RNF13: variants seen among roughly 807,000 people sequenced by gnomAD.
The protein encoded by RNF13 is ring finger protein 13.
A neutral mutation model predicts 37.7 loss-of-function variants in RNF13; 19 were observed. The ratio of observed to expected loss-of-function variants is 0.50; its 90% CI spans 0.35 to 0.74. The LOEUF (loss-of-function observed/expected upper bound fraction) is 0.74. RNF13 is among the 30% of genes least tolerant of loss of function. The probability of loss-of-function intolerance (pLI) is 0.01; values close to 1 mark genes in which losing one functional copy is unlikely to be tolerated. For synonymous variants in RNF13, 144 were observed against 157.8 expected (o/e 0.91, Z 0.65); for missense variants, 375 against 453.0 (o/e 0.83, Z 1.56).
Position 149,872,086 on chromosome 3 carries a change from G to C in RNF13, c.253G>C (p.Val85Leu). 1.2e-6 allele frequency: 2 copies of C among 1,606,644 alleles called. No homozygotes were observed. Among genetic ancestry groups the C allele is most frequent in the Non-Finnish European group, 1.7e-6 (2 of 1,175,930 alleles). ...NACEPIVPPP[V>L]KDNSSGTFIV... ...CTGTGAACCCATAGTGCCTCCACCA[G>C]TAAAAGACAATTCATCTGGCACTTT... Residue 85 changes from valine (V) to leucine (L), a missense_variant, in exon 4 of 10, where the codon GTA becomes CTA. By Grantham distance (32) the Val-to-Leu change is conservative (BLOSUM62 1). Transcript: ENST00000392894.
intron 3 of RNF13, among the ~76,000 whole-genome samples, chr3:149,870,500 A>T (rs1467874597): frequency 4.0e-5 from 6 of 151,562 alleles, no homozygotes; most frequent in Admixed American, 3.9e-4. Context: ...ATCATTTTGG[A>T]GCTGGAAGCC....
intron 1 of RNF13, among the ~76,000 whole-genome samples, chr3:149,828,893 A>G (rs1048769240): frequency 6.6e-6 from 1 of 152,096 alleles, no homozygotes; most frequent in African/African-American, 2.4e-5. Context: ...GGGAACATTT[A>G]TTTTTGTCAC....
chr3:149,901,999 G>A (rs768350290), intron 5 of RNF13, 73 bp from the exon 6 acceptor site: 196 of 583,602 alleles, frequency 3.4e-4, no homozygotes, highest in Non-Finnish European at 4.7e-4. Flanking sequence ...TGCATTTGCT[G>A]CTATTATGAA....
At chr3:149,956,503 G>A (rs1254624493) in intron 8 of RNF13, among the ~76,000 whole-genome samples, 16 of 152,140 alleles carry the variant, frequency 1.1e-4, no homozygotes, top group Admixed American at 1.0e-3. Context: ...TTCTGTATCT[G>A]ATGAGCCAAA....
chr3:149,860,270 A>AAAATATAT (rs1302318768), intron 3 of RNF13, among the ~76,000 whole-genome samples: 18 of 104,088 alleles, frequency 1.7e-4, no homozygotes, highest in African/African-American at 7.2e-4. Flanking sequence ...AAAAAAAAAA[A>AAAATATAT]ATATATATAT....
chr3:149,831,460 G>A (rs1006000447), intron 1 of RNF13, among the ~76,000 whole-genome samples: 1 of 152,228 alleles, frequency 6.6e-6, no homozygotes, highest in Admixed American at 6.5e-5. Context: ...TTGCTCTGCT[G>A]TAAAATTTCA....
chr3:149,841,034 A>G (rs114379261), intron 1 of RNF13, among the ~76,000 whole-genome samples: 2,582 of 152,322 alleles, frequency 0.017, 81 homozygotes, highest in African/African-American at 0.058. Context: ...CTTTCAAGAA[A>G]CAGACACTGT....
At chr3:149,910,872 T>A (rs1378999046) in intron 6 of RNF13, among the ~76,000 whole-genome samples, 1 of 152,210 alleles carries the variant, frequency 6.6e-6, no homozygotes, top group Admixed American at 6.5e-5. Flanking sequence ...TAAAATTTCC[T>A]CATGTAACAC....
chr3:149,879,330 C>G (rs983299764), intron 4 of RNF13, among the ~76,000 whole-genome samples: 24 of 122,230 alleles, frequency 2.0e-4, no homozygotes, highest in Middle Eastern at 5.8e-3. Context: ...TTTTTTGAGA[C>G]AGGGTCTTAT....
At chr3:149,918,222 C>G (rs1717743809) in intron 7 of RNF13, among the ~76,000 whole-genome samples, 1 of 152,014 alleles carries the variant, frequency 6.6e-6, no homozygotes, top group African/African-American at 2.4e-5. Flanking sequence ...AATCTGGTGT[C>G]TATTTTATAC....
intron 6 of RNF13, 77 bp from the exon 7 acceptor site, chr3:149,911,901 A>G: frequency 1.3e-6 from 1 of 792,728 alleles, no homozygotes; most frequent in Non-Finnish European, 2.2e-6. Flanking sequence ...TTTTAAAAAT[A>G]TTTTTTCCTG....
intron 3 of RNF13, among the ~76,000 whole-genome samples, chr3:149,862,036 AT>A (rs2108417262): frequency 6.6e-6 from 1 of 152,254 alleles, no homozygotes; most frequent in East Asian, 1.9e-4. Context: ...TCATGCCTTC[AT>A]TTTATGCACT....
At chr3:149,831,444 A>G (rs896372299) in intron 1 of RNF13, among the ~76,000 whole-genome samples, 1 of 152,132 alleles carries the variant, frequency 6.6e-6, no homozygotes, top group East Asian at 1.9e-4. Flanking sequence ...GAGCATTAAG[A>G]TTTGATTGCT....
At chr3:149,960,267 A>C in intron 9 of RNF13, 131 bp downstream of exon 9, 2 of 639,450 alleles carry the variant, frequency 3.1e-6, no homozygotes, top group Non-Finnish European at 5.5e-6. Context: ...TAGTGGTCTC[A>C]TTCAAGGATG....
intron 1 of RNF13, among the ~76,000 whole-genome samples, chr3:149,835,663 GTGTT>G (rs1287131723): frequency 4.0e-5 from 6 of 150,520 alleles, no homozygotes; most frequent in East Asian, 1.9e-4. Context: ...GTGTGTGTGT[GTGTT>G]TGTGTGTGTG....
chr3:149,862,397 TTC>T (rs1724349536), intron 3 of RNF13, among the ~76,000 whole-genome samples: 1 of 152,112 alleles, frequency 6.6e-6, no homozygotes, highest in Admixed American at 6.5e-5. Flanking sequence ...TCCTACCATA[TTC>T]TGTTCCCTTA....
At chr3:149,821,570 A>G (rs1249617083) in intron 1 of RNF13, among the ~76,000 whole-genome samples, 1 of 151,896 alleles carries the variant, frequency 6.6e-6, no homozygotes, top group Non-Finnish European at 1.5e-5. Flanking sequence ...TAGACTGTTC[A>G]TTATCAAATA....
At chr3:149,940,573 T>C (rs1012204377) in intron 8 of RNF13, among the ~76,000 whole-genome samples, 11 of 152,196 alleles carry the variant, frequency 7.2e-5, no homozygotes, top group Non-Finnish European at 1.6e-4. Flanking sequence ...TTTTCTTCTC[T>C]TTAAAGAACT....
chr3:149,863,507 G>A (rs1008383589), intron 3 of RNF13, among the ~76,000 whole-genome samples: 1 of 152,122 alleles, frequency 6.6e-6, no homozygotes, highest in Admixed American at 6.5e-5. Flanking sequence ...AGCTTCCTGT[G>A]TAGCTGGGAT....
Sources: allele counts gnomAD v4.1 joint callset (sites outside exome capture counted in the v4.1 genomes callset), GRCh38; gene constraint gnomAD v4.1.1; transcripts MANE v1.5; gene names NCBI Gene and HGNC (gene_info 2026-07-23, HGNC 2026-07-21).